Variants in IQCM observed in about 807,000 individuals in gnomAD.
The protein encoded by IQCM is IQ domain-containing protein M.
Under a neutral mutation model 57.6 loss-of-function variants are expected in IQCM, and 45 were observed. That is an observed-to-expected ratio of 0.78 (90% CI 0.62 to 1.00). The LOEUF is 1.00. IQCM is among the 50% of genes least tolerant of loss of function. The probability of loss-of-function intolerance (pLI) is 0.00; values close to 1 mark genes in which losing one functional copy is unlikely to be tolerated. For synonymous variants in IQCM, 148 were observed against 158.9 expected (o/e 0.93, Z 0.51); for missense variants, 468 against 511.6 (o/e 0.91, Z 0.82).
intron 13 of IQCM, among the ~76,000 whole-genome samples, chr4:149,432,938 T>C (rs1191675984): frequency 6.6e-6 from 1 of 152,144 alleles, no homozygotes; most frequent in African/African-American, 2.4e-5. Context: ...TATACATGTA[T>C]TAGATTGGCT....
chr4:149,391,374 T>A (rs1731843433), intron 13 of IQCM, among the ~76,000 whole-genome samples: 1 of 151,878 alleles, frequency 6.6e-6, no homozygotes, highest in African/African-American at 2.4e-5. Context: ...GTAATTTGAG[T>A]CTTTTTTTCT....
intron 2 of IQCM, among the ~76,000 whole-genome samples, chr4:149,794,738 C>T (rs1021876551): frequency 1.3e-5 from 2 of 151,872 alleles, no homozygotes; most frequent in Non-Finnish European, 2.9e-5. Flanking sequence ...GAATTCAATA[C>T]AAAAGCTGTA....
chr4:149,718,749 TG>T (rs1384358997), intron 5 of IQCM, among the ~76,000 whole-genome samples: 3 of 152,166 alleles, frequency 2.0e-5, no homozygotes, highest in Non-Finnish European at 4.4e-5. Context: ...ACTGCCAGAC[TG>T]GTGTGGTTAC....
intron 5 of IQCM, among the ~76,000 whole-genome samples, chr4:149,723,089 G>A (rs1278392018): frequency 1.3e-5 from 2 of 152,012 alleles, no homozygotes; most frequent in East Asian, 3.9e-4. Context: ...TCTCAGGTTG[G>A]TCATTGTTGG....
At chr4:149,560,063 CA>C (rs1323482084) in intron 10 of IQCM, among the ~76,000 whole-genome samples, 1 of 152,204 alleles carries the variant, frequency 6.6e-6, no homozygotes, top group Non-Finnish European at 1.5e-5. Flanking sequence ...TTGACTTCCA[CA>C]AAACTGGTCC....
Position 149,626,392 on chromosome 4 carries a change from C to CATATATATAT in IQCM, c.566-5158_566-5149dup, listed in dbSNP as rs371051488. Among the ~76,000 whole-genome samples, 943 of 120,550 alleles carry CATATATATAT rather than the reference C, an allele frequency of 7.8e-3. 43 individuals carry two copies. The highest frequency in any genetic ancestry group is 0.019 in the Middle Eastern group (4 of 214). 79.1% of individuals were successfully genotyped at this position (120,550 alleles called of 152,430 possible). On this transcript the variant is annotated intron_variant, in intron 7 of 13. Coordinates refer to ENST00000636793, the MANE Select transcript of IQCM (RefSeq NM_001363507.2). ...GATTGTGTTAGTTATACTTAATAAA[C>CATATATATAT]ATATATATATATAAGTTTATAGCAA...
chr4:149,663,206 AT>A lies in IQCM; in HGVS notation c.565+18911del, dbSNP rs200262106. On this transcript the variant is annotated intron_variant, in intron 7 of 13. Transcript: ENST00000636793. ...ATATTTTCCCTCCATCCTACAATTTATTTTTTTTCCCTAATTTATATCTTTA... is the reference window on the plus strand; with the variant it reads ...ATATTTTCCCTCCATCCTACAATTTATTTTTTTCCCTAATTTATATCTTTA... 6.3e-3 allele frequency among the ~76,000 whole-genome samples: 952 copies of A among 150,750 alleles called. 13 individuals are homozygous for A. The highest frequency in any genetic ancestry group is 0.022 in the African/African-American group (903 of 41,192).
chr4:149,682,090 G>A, intron 7 of IQCM, 28 bp downstream of exon 7: 1 of 892,598 alleles, frequency 1.1e-6, no homozygotes, highest in East Asian at 3.3e-5. Context: ...TCAATGTGCT[G>A]CTACCAACAT....
chr4:149,480,777 A>T (rs995611544), intron 12 of IQCM, among the ~76,000 whole-genome samples: 3 of 152,176 alleles, frequency 2.0e-5, no homozygotes, highest in African/African-American at 7.2e-5. Flanking sequence ...GTATGTACCC[A>T]GCAGTGGGAA....
chr4:149,623,490 A>G (rs558606328), intron 7 of IQCM, among the ~76,000 whole-genome samples: 1 of 152,342 alleles, frequency 6.6e-6, no homozygotes, highest in East Asian at 1.9e-4. Flanking sequence ...AAAATCCTCA[A>G]GGTAATCATT....
chr4:149,533,846 C>T (rs1747005173), intron 12 of IQCM, among the ~76,000 whole-genome samples: 1 of 151,952 alleles, frequency 6.6e-6, no homozygotes, highest in African/African-American at 2.4e-5. Flanking sequence ...GGGGACACAG[C>T]CAAACCACAA....
At chr4:149,792,543 G>A (rs78054726) in intron 2 of IQCM, among the ~76,000 whole-genome samples, 4,346 of 152,080 alleles carry the variant, frequency 0.029, 215 homozygotes, top group African/African-American at 0.099. Flanking sequence ...ACAGCCAGGG[G>A]GAAAATGTCT....
chr4:149,504,706 G>A (rs938891857), intron 12 of IQCM, among the ~76,000 whole-genome samples: 2 of 152,266 alleles, frequency 1.3e-5, no homozygotes, highest in South Asian at 4.2e-4. Context: ...TTGAGGCCAG[G>A]AGTTCAAGAC....
chr4:149,369,354 C>T (rs1182204002), intron 13 of IQCM, among the ~76,000 whole-genome samples: 3 of 151,846 alleles, frequency 2.0e-5, no homozygotes, highest in Non-Finnish European at 4.4e-5. Flanking sequence ...GACACAAATA[C>T]ATTTCTCTGA....
chr4:149,633,163 G>A (rs373842938), intron 7 of IQCM, among the ~76,000 whole-genome samples: 23 of 82,272 alleles, frequency 2.8e-4, no homozygotes, highest in African/African-American at 1.0e-3. Flanking sequence ...GCGAGACTCC[G>A]TCTCAAAAAA....
chr4:149,368,380 G>A (rs543251177), intron 13 of IQCM, among the ~76,000 whole-genome samples: 13 of 151,894 alleles, frequency 8.6e-5, no homozygotes, highest in African/African-American at 3.1e-4. Context: ...GAATGTATTT[G>A]GCCTTAATAT....
chr4:149,605,229 A>G (rs1347467636), intron 8 of IQCM, among the ~76,000 whole-genome samples: 1 of 152,188 alleles, frequency 6.6e-6, no homozygotes, highest in Non-Finnish European at 1.5e-5. Context: ...CAAAAAGTCA[A>G]TGGCCTTTTA....
At chr4:149,658,322 A>T (rs1024358091) in intron 7 of IQCM, among the ~76,000 whole-genome samples, 1 of 151,194 alleles carries the variant, frequency 6.6e-6, no homozygotes, top group African/African-American at 2.4e-5. Context: ...AGATGTCAGA[A>T]TTTATTTCTG....
At chr4:149,712,040 G>C (rs894713877) in intron 5 of IQCM, among the ~76,000 whole-genome samples, 1 of 152,092 alleles carries the variant, frequency 6.6e-6, no homozygotes, top group African/African-American at 2.4e-5. Flanking sequence ...AGAAGGATTT[G>C]GCAGCAGGCT....
Sources: gnomAD v4.1 joint callset for allele counts (sites outside exome capture counted in the v4.1 genomes callset) on GRCh38, gnomAD v4.1.1 for gene constraint, MANE v1.5 for transcripts, NCBI Gene and HGNC (gene_info 2026-07-23, HGNC 2026-07-21) for gene names.